Variants in ZSWIM9 observed in about 807,000 individuals in gnomAD.
ZSWIM9 encodes the protein uncharacterized protein ZSWIM9.
Under a neutral mutation model 25.0 loss-of-function variants are expected in ZSWIM9, and 11 were observed. That is an observed-to-expected ratio of 0.44 (90% CI 0.28 to 0.73). The LOEUF (loss-of-function observed/expected upper bound fraction) is 0.73, where lower values mean the gene tolerates loss of function less well. Ranked by LOEUF, ZSWIM9 falls within the 30% of genes least tolerant of loss-of-function variation. The pLI, the probability that ZSWIM9 is intolerant of heterozygous loss-of-function variation, is 0.16. For missense variants in ZSWIM9, 1,070 were observed against 1,296.5 expected (o/e 0.83, Z 2.68); for synonymous variants, 562 against 582.1 (o/e 0.97, Z 0.50).
intron 3 of ZSWIM9, among the ~76,000 whole-genome samples, chr19:48,187,973 T>C (rs140338514): frequency 0.011 from 1,635 of 149,032 alleles, 32 homozygotes; most frequent in African/African-American, 0.039. Context: ...GATAGATAGA[T>C]AGATAGATAG....
At chr19:48,180,754 C>CTTTTTTTTTTTTTTTT (rs71297705) in intron 2 of ZSWIM9, 20 of 134,530 alleles carry the variant, frequency 1.5e-4, no homozygotes, top group African/African-American at 2.8e-4. Flanking sequence ...TTTCTTTTTT[C>CTTTTTTTTTTTTTTTT]TTTTTTTTTT....
Position 48,171,807 on chromosome 19 carries a change from A to G in ZSWIM9, c.5A>G (p.Glu2Gly). 6.5e-7 allele frequency: 1 copy of G among 1,531,622 alleles called. No homozygotes were observed. Among genetic ancestry groups the G allele is most frequent in the Admixed American group, 2.0e-5 (1 of 50,722 alleles). 94.9% of individuals were successfully genotyped at this position (1,531,622 alleles called of 1,614,324 possible). The change falls in exon 2 of 4, where the codon GAG (glutamate) becomes GGG (glycine). Residue 2 changes from glutamate to glycine, a missense_variant. By Grantham distance (98) the Glu-to-Gly change is moderately conservative. Transcript: ENST00000614654. M[E>G]RPEPPPGTAA... The stretch of plus-strand genomic sequence containing the variant: ...TCCTCCACGCAGGCCCCCAGGATGG[A>G]GCGGCCGGAGCCCCCACCCGGCACG...
At chr19:48,176,786 G>A (rs945563651) in intron 2 of ZSWIM9, among the ~76,000 whole-genome samples, 8 of 151,992 alleles carry the variant, frequency 5.3e-5, no homozygotes, top group African/African-American at 1.7e-4. Context: ...AATCCCAGCC[G>A]GGTGCGGTGG....
chr19:48,191,113 T>C (rs150790916), intron 3 of ZSWIM9, among the ~76,000 whole-genome samples: 5,589 of 151,948 alleles, frequency 0.037, 329 homozygotes, highest in African/African-American at 0.13. Flanking sequence ...TGTGTGTGTG[T>C]GTGTGTGTGT....
chr19:48,194,766 G>A lies in ZSWIM9; in HGVS notation c.702G>A (p.Leu234=), dbSNP rs1481565299. Residue 234 remains leucine (L), a synonymous_variant, in exon 4 of 4, where the codon CTG becomes CTA. Coordinates refer to ENST00000614654, the MANE Select transcript of ZSWIM9 (RefSeq NM_199341.4). This position sits in a 1 kb window ranked among gnomAD's most constrained non-coding sequence, Gnocchi z 6.0. ...RFPRMLLVDR[L]PGLQGALDLL... is the part of the protein sequence containing the mutation. ...CTCGCATGCTGCTGGTGGACCGGCT[G>A]CCGGGGCTGCAGGGCGCGCTGGATC... 6.5e-7 allele frequency: 1 copy of A among 1,533,068 alleles called. No homozygotes were observed. Among genetic ancestry groups the A allele is most frequent in the Non-Finnish European group, 8.7e-7 (1 of 1,145,508 alleles). 95.0% of individuals were successfully genotyped at this position (1,533,068 alleles called of 1,614,324 possible).
chr19:48,179,747 G>A (rs887774824), intron 2 of ZSWIM9, among the ~76,000 whole-genome samples: 2 of 152,220 alleles, frequency 1.3e-5, no homozygotes, highest in African/African-American at 4.8e-5. Flanking sequence ...AAATCCGAGT[G>A]AAAAGCCAGC....
chr19:48,179,877 C>T (rs757420109), intron 2 of ZSWIM9, among the ~76,000 whole-genome samples: 7 of 152,162 alleles, frequency 4.6e-5, no homozygotes, highest in Non-Finnish European at 8.8e-5. Flanking sequence ...GGAGGTCAGG[C>T]GGCCAATATG....
rs1376349768 is a variant in ZSWIM9 at position 48,170,698 on chromosome 19, C to T, written c.-26C>T. On this transcript the variant is annotated 5_prime_UTR_variant, in exon 1 of 4. Coordinates refer to ENST00000614654, the MANE Select transcript of ZSWIM9 (RefSeq NM_199341.4). ...GCGGGGCATTGTGGGAGGTGGACGC[C>T]GCTCCGGGGCGGGTAGGTGAGTGGG... 1 of 201,616 alleles carries T rather than the reference C, an allele frequency of 5.0e-6. No individual in the cohort carries two copies. Among genetic ancestry groups the T allele is most frequent in the African/African-American group, 2.5e-5 (1 of 40,398 alleles). The allele number at this position is 201,616 out of a possible 1,614,324, so 12.5% of individuals were successfully genotyped here. A position where few individuals can be genotyped will look rare whatever the true frequency, so the allele number is the denominator to read the frequency against.
At chr19:48,187,699 A>AG (rs1371770832) in intron 3 of ZSWIM9, 3 of 139,700 alleles carry the variant, frequency 2.1e-5, no homozygotes, top group Admixed American at 8.6e-5. Context: ...GCACTTTGGG[A>AG]GGCCGAAGCG....
In ZSWIM9 at chr19:48,196,561, G is replaced by C. The variant is rs1011843475; in HGVS notation, c.2497G>C (p.Glu833Gln). Residue 833 changes from glutamate (E) to glutamine (Q), a missense_variant, in exon 4 of 4, where the codon GAG (glutamate) becomes CAG (glutamine). By Grantham distance (29) the Glu-to-Gln change is conservative. Transcript: ENST00000614654. The part of the protein sequence containing the change: ...LAKFRAACGP[E>Q]LADLVAEELA... ...CAAATTCCGAGCAGCCTGCGGGCCA[G>C]AGCTGGCAGACCTGGTGGCTGAGGA... 9 of 1,232,564 alleles carry C rather than the reference G, an allele frequency of 7.3e-6. No individual in the cohort carries two copies. Among genetic ancestry groups the C allele is most frequent in the African/African-American group, 3.1e-5 (2 of 64,420 alleles). 76.4% of individuals were successfully genotyped at this position (1,232,564 alleles called of 1,614,324 possible). A position where few individuals can be genotyped will look rare whatever the true frequency, so the allele number is the denominator to read the frequency against.
In ZSWIM9 at chr19:48,194,949, G is replaced by A; in HGVS notation, c.885G>A (p.Gly295=). 1 of 1,326,028 alleles carries A rather than the reference G, an allele frequency of 7.5e-7. No individual in the cohort carries two copies. Among genetic ancestry groups the A allele is most frequent in the Non-Finnish European group, 9.6e-7 (1 of 1,039,848 alleles). The allele number at this position is 1,326,028 out of a possible 1,614,324, so 82.1% of individuals were successfully genotyped here. ...GCCGCGTGCGCTGCCTCACCGCCGG[G>A]CCCGAGGTGGCGGCGCAGTTGCCTG... The part of the protein sequence containing the change: ...VKGRVRCLTA[G]PEVAAQLPAV... The change falls in exon 4 of 4, where the codon GGG becomes GGA. Residue 295 remains glycine (G), a synonymous_variant. Coordinates refer to ENST00000614654, the MANE Select transcript of ZSWIM9 (RefSeq NM_199341.4). This position sits in a 1 kb window ranked among gnomAD's most constrained non-coding sequence, Gnocchi z 6.0.
intron 3 of ZSWIM9, among the ~76,000 whole-genome samples, chr19:48,187,491 T>TTATAATATATTATATTATATATATTATA (rs1568579531): frequency 2.0e-5 from 1 of 51,204 alleles, no homozygotes; most frequent in African/African-American, 8.2e-5. Context: ...ATATATTATA[T>TTATAATATATTATATTATATATATTATA]TATAATATAT....
At chr19:48,181,844 T>C (rs374085571) in intron 2 of ZSWIM9, 3 of 152,220 alleles carry the variant, frequency 2.0e-5, no homozygotes, top group East Asian at 3.8e-4. Context: ...TTGAGTCCTT[T>C]TTCACGTATA....
intron 3 of ZSWIM9, among the ~76,000 whole-genome samples, chr19:48,187,475 TA>T (rs1241978739): frequency 1.5e-5 from 1 of 66,008 alleles, no homozygotes; most frequent in Non-Finnish European, 2.7e-5. Context: ...ATATATTATA[TA>T]TATTATATAT....
chr19:48,189,928 C>T lies in ZSWIM9; in HGVS notation c.589-4725C>T, dbSNP rs188913660. On this transcript the variant is annotated intron_variant, in intron 3 of 3. Transcript: ENST00000614654. ...AAAGAAGATGAAAATAGAAGGTGGG[C>T]GCAGTGGCTCACACCTGTAATCCCA... is the stretch of plus-strand genomic sequence containing the variant. Among the ~76,000 whole-genome samples, 164 of 152,196 alleles carry T rather than the reference C, an allele frequency of 1.1e-3. 2 individuals carry two copies. The highest frequency in any genetic ancestry group is 3.4e-3 in the African/African-American group (142 of 41,538).
intron 3 of ZSWIM9, among the ~76,000 whole-genome samples, chr19:48,189,030 C>CA (rs1025090651): frequency 8.7e-5 from 13 of 149,032 alleles, no homozygotes; most frequent in Admixed American, 4.7e-4. Context: ...GACTCCATCT[C>CA]AAAAAAAAAG....
Position 48,197,308 on chromosome 19 carries a change from G to A in ZSWIM9, c.*481G>A, listed in dbSNP as rs1400843168. On this transcript the variant is annotated 3_prime_UTR_variant, in exon 4 of 4. Coordinates refer to ENST00000614654, the MANE Select transcript of ZSWIM9 (RefSeq NM_199341.4). ...AATGGAAAGGGGAGCCGGAAATGGAGGAGAGAGGACAAGCAAAGAGACAGA... is the reference window on the plus strand; with the variant it reads ...AATGGAAAGGGGAGCCGGAAATGGAAGAGAGAGGACAAGCAAAGAGACAGA... 2.8e-6 allele frequency: 2 copies of A among 702,630 alleles called. No homozygotes were observed. Among genetic ancestry groups the A allele is most frequent in the Non-Finnish European group, 5.2e-6 (2 of 384,842 alleles). 43.5% of individuals were successfully genotyped at this position (702,630 alleles called of 1,614,324 possible). A position where few individuals can be genotyped will look rare whatever the true frequency, so the allele number is the denominator to read the frequency against.
intron 1 of ZSWIM9, chr19:48,171,376 G>C: frequency 2.0e-6 from 2 of 985,416 alleles, no homozygotes; most frequent in Non-Finnish European, 2.4e-6. Context: ...ATGAATACGA[G>C]AGTTAGAAGT....
At chr19:48,189,150 A>C (rs2436160) in intron 3 of ZSWIM9, among the ~76,000 whole-genome samples, 1,542 of 152,332 alleles carry the variant, frequency 0.01, 27 homozygotes, top group African/African-American at 0.035. Flanking sequence ...CTGGTGATTT[A>C]TCCTGCAGAT....
Sources: gnomAD v4.1 joint callset for allele counts (sites outside exome capture counted in the v4.1 genomes callset) on GRCh38, gnomAD v4.1.1 for gene constraint, Gnocchi (gnomAD v3.1) non-coding constraint, MANE v1.5 for transcripts, NCBI Gene and HGNC (gene_info 2026-07-23, HGNC 2026-07-21) for gene names.